ATP2B2: variants seen among roughly 807,000 people sequenced by gnomAD.
ATP2B2 encodes the protein plasma membrane calcium-transporting ATPase 2.
A neutral mutation model predicts 120.0 loss-of-function variants in ATP2B2; 15 were observed. That is an observed-to-expected ratio of 0.12 (90% confidence interval 0.08 to 0.19). The LOEUF is 0.19. ATP2B2 is among the 10% of genes least tolerant of loss of function. The pLI, the probability that ATP2B2 is intolerant of heterozygous loss-of-function variation, is 1.00. For synonymous variants in ATP2B2, 694 were observed against 700.3 expected, an observed-to-expected ratio of 0.99 and a Z score of 0.14; for missense variants, 1,045 against 1,719.8, an observed-to-expected ratio of 0.61 and a Z score of 6.94.
At chr3:10,539,686 C>T (rs1476676636) in intron 2 of ATP2B2, among the ~76,000 whole-genome samples, 2 of 152,156 alleles carry the variant, frequency 1.3e-5, no homozygotes, top group African/African-American at 4.8e-5. Flanking sequence ...GAAACTGGAT[C>T]CCTTCCTTAC....
At chr3:10,626,497 A>C (rs115429191) in intron 1 of ATP2B2, 2,455 of 152,292 alleles carry the variant, frequency 0.016, 35 homozygotes, top group Non-Finnish European at 0.027. Flanking sequence ...TGGTGAAAGG[A>C]TAGATGGATG....
intron 16 of ATP2B2, among the ~76,000 whole-genome samples, chr3:10,349,438 G>C (rs2060516120): frequency 6.6e-6 from 1 of 152,152 alleles, no homozygotes; most frequent in Non-Finnish European, 1.5e-5. Flanking sequence ...TTGGGTGACA[G>C]AGGGAGACCC....
intron 1 of ATP2B2, among the ~76,000 whole-genome samples, chr3:10,642,613 A>G (rs901659634): frequency 6.6e-6 from 1 of 151,920 alleles, no homozygotes; most frequent in Non-Finnish European, 1.5e-5. Context: ...ATCCATTTCT[A>G]TGTTTAAAAA....
At chr3:10,684,008 T>C (rs560722694) in intron 1 of ATP2B2, among the ~76,000 whole-genome samples, 73 of 151,942 alleles carry the variant, frequency 4.8e-4, no homozygotes, top group African/African-American at 1.6e-3. Context: ...TCTACCCTTG[T>C]AGTGAGCAGC....
intron 12 of ATP2B2, 68 bp from the exon 13 acceptor site, chr3:10,360,191 C>A: frequency 6.6e-7 from 1 of 1,520,064 alleles, no homozygotes; most frequent in Non-Finnish European, 8.8e-7. Context: ...CCCTGGCTGC[C>A]ACTGAGGCTC....
chr3:10,561,686 G>C (rs1330356434), intron 2 of ATP2B2, among the ~76,000 whole-genome samples: 1 of 152,176 alleles, frequency 6.6e-6, no homozygotes, highest in Non-Finnish European at 1.5e-5. Flanking sequence ...TAGTGAATAA[G>C]TCTCACAAGA....
intron 2 of ATP2B2, among the ~76,000 whole-genome samples, chr3:10,426,389 G>A (rs1340823901): frequency 6.6e-6 from 1 of 152,206 alleles, no homozygotes; most frequent in East Asian, 1.9e-4. Context: ...AGTGGTCAGT[G>A]CTTAACTCCA....
chr3:10,402,734 A>C lies in ATP2B2; in HGVS notation c.398-386T>G, dbSNP rs1314367289. ...CTTGGGCAAATGACTCCCTTTCTGAAACTCATTTTTTCTCATCTGGGTAAG... is the reference window on the plus strand; with the variant it reads ...CTTGGGCAAATGACTCCCTTTCTGACACTCATTTTTTCTCATCTGGGTAAG... On this transcript the variant is annotated intron_variant, in intron 3 of 22. Coordinates refer to ENST00000360273, the MANE Select transcript of ATP2B2 (RefSeq NM_001001331.4). This position sits in a 1 kb window ranked among gnomAD's most constrained non-coding sequence, Gnocchi z 4.9. Among the ~76,000 whole-genome samples, 2 of 151,946 alleles carry C rather than the reference A, an allele frequency of 1.3e-5. No individual in the cohort carries two copies. The highest frequency in any genetic ancestry group is 2.9e-5 in the Non-Finnish European group (2 of 67,984).
intron 3 of ATP2B2, among the ~76,000 whole-genome samples, chr3:10,516,685 C>G (rs1284862298): frequency 6.6e-6 from 1 of 152,224 alleles, no homozygotes; most frequent in Non-Finnish European, 1.5e-5. Context: ...TGGCGTGGCA[C>G]TGGACAAGTT....
At chr3:10,594,682 G>C (rs911160543) in intron 2 of ATP2B2, among the ~76,000 whole-genome samples, 1 of 149,964 alleles carries the variant, frequency 6.7e-6, no homozygotes, top group Non-Finnish European at 1.5e-5. Context: ...AAACCTGCAC[G>C]TTGTGCACAT....
At chr3:10,649,890 T>C (rs542440412) in intron 1 of ATP2B2, among the ~76,000 whole-genome samples, 1 of 152,360 alleles carries the variant, frequency 6.6e-6, no homozygotes, top group South Asian at 2.1e-4. Flanking sequence ...GCCTTTCACC[T>C]TCCACAATGT....
chr3:10,415,256 G>C (rs939708026), intron 2 of ATP2B2, among the ~76,000 whole-genome samples: 6 of 152,212 alleles, frequency 3.9e-5, no homozygotes, highest in African/African-American at 1.4e-4. Flanking sequence ...AAGGAGTGTA[G>C]TGCTGTGCCT....
chr3:10,406,318 G>C (rs2062409366), intron 3 of ATP2B2, among the ~76,000 whole-genome samples: 1 of 152,210 alleles, frequency 6.6e-6, no homozygotes, highest in African/African-American at 2.4e-5. Context: ...GGTAAAACTA[G>C]ACACTGTGTA....
intron 2 of ATP2B2, among the ~76,000 whole-genome samples, chr3:10,588,422 G>A (rs1299089387): frequency 2.0e-5 from 3 of 152,162 alleles, no homozygotes; most frequent in Non-Finnish European, 4.4e-5. Flanking sequence ...CAATATTTGT[G>A]AACCCCTTCC....
chr3:10,521,721 G>C (rs1475831707), intron 3 of ATP2B2, among the ~76,000 whole-genome samples: 1 of 152,208 alleles, frequency 6.6e-6, no homozygotes, highest in Non-Finnish European at 1.5e-5. Flanking sequence ...AACTCCTTAG[G>C]GAGTTAGTCT....
Position 10,452,652 on chromosome 3 carries a change from G to A in ATP2B2, c.-319-2790C>T, listed in dbSNP as rs1452417784. Among the ~76,000 whole-genome samples, 2 of 145,530 alleles carry A rather than the reference G, an allele frequency of 1.4e-5. 1 individual carries two copies. Among genetic ancestry groups the A allele is most frequent in the East Asian group, 3.9e-4 (2 of 5,122 alleles). The stretch of plus-strand genomic sequence containing the variant: ...CAGGGGTCCTTCAGGCCAATGCAGT[G>A]GCTGGGGCTTGTAGGAGAGATGGGT... On this transcript the variant is annotated intron_variant, in intron 1 of 22. Coordinates refer to ENST00000360273, the MANE Select transcript of ATP2B2 (RefSeq NM_001001331.4).
Position 10,524,002 on chromosome 3 carries a change from G to C in ATP2B2, c.-320+10037C>G, listed in dbSNP as rs74975137. On this transcript the variant is annotated intron_variant, in intron 3 of 21. Coordinates refer to the ATP2B2 transcript ENST00000646379. ...AAATGCCAATGTTTAAAAATGGGGG[G>C]ATTGTGCATAAGAATCCAGATTTCT... Among the ~76,000 whole-genome samples the C allele has an allele frequency of 5.7e-3, 875 of 152,324 alleles. 3 individuals are homozygous for C. Among genetic ancestry groups the C allele is most frequent in the Non-Finnish European group, 8.5e-3 (575 of 68,032 alleles).
At position 10,350,484 on chromosome 3, in the gene ATP2B2, T is replaced by C; in HGVS notation, c.2230A>G (p.Lys744Glu). The C allele has an allele frequency of 6.2e-7, 1 of 1,614,226 alleles. No individual in the cohort carries two copies. Among genetic ancestry groups the C allele is most frequent in the Non-Finnish European group, 8.5e-7 (1 of 1,180,036 alleles). ...TCCCCAGGATGGATGATGCCACACT[T>C]GATGGCGATGGCCCGAGCCGTGTTG... ...NINTARAIAI[K>E]CGIIHPGEDF... The change falls in exon 15 of 23, where the codon AAG (lysine) becomes GAG (glutamate). Residue 744 changes from lysine to glutamate, a missense_variant. Physicochemically the swap from Lys to Glu is moderately conservative, Grantham distance 56 (BLOSUM62 1). Transcript: ENST00000360273.
At chr3:10,593,680 A>G (rs2068696554) in intron 2 of ATP2B2, among the ~76,000 whole-genome samples, 1 of 152,346 alleles carries the variant, frequency 6.6e-6, no homozygotes, top group South Asian at 2.1e-4. Context: ...TAAAACTCCA[A>G]AAGCAATGGC....
Sources: allele counts gnomAD v4.1 joint callset (sites outside exome capture counted in the v4.1 genomes callset), GRCh38; gene constraint gnomAD v4.1.1; non-coding constraint Gnocchi (gnomAD v3.1); transcripts MANE v1.5; gene names NCBI Gene and HGNC (gene_info 2026-07-23, HGNC 2026-07-21).